SPINT1: variants seen among roughly 807,000 people sequenced by gnomAD.
SPINT1 encodes serine peptidase inhibitor, Kunitz type 1, also known as kunitz-type protease inhibitor 1.
A neutral mutation model predicts 53.7 loss-of-function variants in SPINT1; 38 were observed. The observed-to-expected ratio is 0.71, with a 90% CI of 0.55 to 0.93. The LOEUF is 0.93. SPINT1 is among the 40% of genes least tolerant of loss of function. The pLI is 0.00. For missense variants in SPINT1, 645 were observed against 692.9 expected (o/e 0.93, Z 0.78); for synonymous variants, 283 against 280.6 (o/e 1.01, Z -0.08).
intron 10 of SPINT1, 98 bp downstream of exon 10, chr15:40,856,421 A>G (rs1223413828): frequency 9.4e-6 from 14 of 1,486,054 alleles, no homozygotes; most frequent in Non-Finnish European, 1.2e-5. Flanking sequence ...GTTGAGAAGG[A>G]TGCCAAGGTG....
chr15:40,856,149 C>T (rs927402528), intron 9 of SPINT1, 87 bp downstream of exon 9: 3 of 1,590,354 alleles, frequency 1.9e-6, no homozygotes, highest in African/African-American at 2.7e-5. Context: ...TGGGAGTCAC[C>T]CCTCCATCCT....
Position 40,853,193 on chromosome 15 carries a change from A to T in SPINT1, c.545A>T (p.Lys182Met). ...CAACCCCAGGAACCCCTGGTGCTGA[A>T]GGATGTGGAAAACACAGATTGGCGC... ...KVQPQEPLVL[K>M]DVENTDWRLL... The change falls in exon 3 of 11, where the codon AAG (lysine) becomes ATG (methionine). Residue 182 changes from lysine to methionine, a missense_variant. Coordinates refer to ENST00000562057, the MANE Select transcript of SPINT1 (RefSeq NM_003710.4). The T allele has an allele frequency of 4.3e-6, 7 of 1,614,210 alleles. No homozygotes were observed. Among genetic ancestry groups the T allele is most frequent in the Non-Finnish European group, 5.9e-6 (7 of 1,180,010 alleles).
rs1003781706 is a variant in SPINT1, at chr15:40,853,119, G to A, written c.476-5G>A. The A allele has an allele frequency of 2.2e-5, 36 of 1,613,028 alleles. No individual in the cohort carries two copies. Among genetic ancestry groups the A allele is most frequent in the Non-Finnish European group, 2.9e-5 (34 of 1,179,538 alleles). ...TGACCTTATCTCACTTTCTCTCCCC[G>A]CCAGGGTCTGGGATCCCCAAGGCCT... On this transcript the variant is annotated splice_polypyrimidine_tract_variant and splice_region_variant and intron_variant, in intron 2 of 10. Transcript: ENST00000562057.
chr15:40,844,819 C>A lies in SPINT1; in HGVS notation c.265C>A (p.Arg89Ser). 2 of 1,613,546 alleles carry A rather than the reference C, an allele frequency of 1.2e-6. No homozygotes were observed. The highest frequency in any genetic ancestry group is 1.7e-6 in the Non-Finnish European group (2 of 1,179,862). The part of the protein sequence containing the change: ...PTVRRGWDCV[R>S]ACCTTQNCNL... ...CGTGCGCCGGGGCTGGGACTGCGTG[C>A]GCGCCTGCTGCACCACCCAGAACTG... Residue 89 changes from arginine to serine, a missense_variant, in exon 2 of 11, where the codon CGC (arginine) becomes AGC (serine). By Grantham distance (110) the Arg-to-Ser change is moderately radical. Coordinates refer to ENST00000562057, the MANE Select transcript of SPINT1 (RefSeq NM_003710.4). The surrounding 1 kb of genome is among the most constrained non-coding windows in gnomAD (Gnocchi z 5.8).
chr15:40,844,291 C>T lies in SPINT1; in HGVS notation c.-66+105C>T. On this transcript the variant is annotated intron_variant, in intron 1 of 10. Transcript: ENST00000562057. The surrounding 1 kb of genome is among the most constrained non-coding windows in gnomAD (Gnocchi z 5.8). The stretch of plus-strand genomic sequence containing the variant: ...TGCGTGTGTCCGGGTACTTGAGCTC[C>T]CTAGCGGTCCGCCTGTCCGTCTGTC... The T allele has an allele frequency of 1.7e-6, 1 of 571,836 alleles. No homozygotes were observed. The allele number at this position is 571,836 out of a possible 1,614,324, so 35.4% of individuals were successfully genotyped here.
chr15:40,844,114 CGCGACCCGAGCCGCGCAGGAAGCT>C lies in SPINT1; in HGVS notation c.-136_-113del, dbSNP rs1282553850. 3 of 434,196 alleles carry C rather than the reference CGCGACCCGAGCCGCGCAGGAAGCT, an allele frequency of 6.9e-6. No homozygotes were observed. The highest frequency in any genetic ancestry group is 4.5e-6 in the Non-Finnish European group (1 of 219,812). The allele number at this position is 434,196 out of a possible 1,614,324, so 26.9% of individuals were successfully genotyped here. ...GCTCTCCGAGCACCGGGTCGGAAGC[CGCGACCCGAGCCGCGCAGGAAGCT>C]GGGACCGGAACCTCGGCGGACCCGG... On this transcript the variant is annotated 5_prime_UTR_variant, in exon 1 of 11. Transcript: ENST00000562057. The surrounding 1 kb of genome is among the most constrained non-coding windows in gnomAD (Gnocchi z 5.8).
chr15:40,851,408 C>A (rs981031586), intron 2 of SPINT1, among the ~76,000 whole-genome samples: 5 of 152,166 alleles, frequency 3.3e-5, no homozygotes, highest in African/African-American at 1.2e-4. Context: ...GCCTTGGCCG[C>A]CCAAAGTGCT....
At chr15:40,854,158 G>A (rs1443706101) in intron 6 of SPINT1, 72 bp downstream of exon 6, 5 of 1,483,600 alleles carry the variant, frequency 3.4e-6, no homozygotes, top group Non-Finnish European at 4.5e-6. Flanking sequence ...ATGCCCCTAA[G>A]CAGCCTGCCT....
chr15:40,853,044 TCAC>T lies in SPINT1; in HGVS notation c.476-75_476-73del, dbSNP rs1437368544. On this transcript the variant is annotated intron_variant, in intron 2 of 10. Coordinates refer to ENST00000562057, the MANE Select transcript of SPINT1 (RefSeq NM_003710.4). ...TTTGGTCTAGGTGGGGCCCATACTT[TCAC>T]CACCCCACTTTGCTCCTGAGAGAAG... The T allele has an allele frequency of 6.5e-6, 10 of 1,546,784 alleles. No homozygotes were observed. In the African/African-American group the frequency reaches 9.6e-5, roughly 15 times the overall value.
rs199742351 is a variant in SPINT1, at chr15:40,853,963, T to G, written c.913+82T>G. ...TCTCTCTCTTCTGTGGCCAGGGAGG[T>G]GGGTGGTGGGAGCTCTCCCTTGCCC... On this transcript the variant is annotated intron_variant, in intron 5 of 10. Coordinates refer to ENST00000562057, the MANE Select transcript of SPINT1 (RefSeq NM_003710.4). 1,276 of 1,610,898 alleles carry G rather than the reference T, an allele frequency of 7.9e-4. 8 individuals are homozygous for G. The African/African-American group carries it at 0.016, about 20-fold the overall frequency.
chr15:40,848,251 G>C (rs1366095702), intron 2 of SPINT1, among the ~76,000 whole-genome samples: 1 of 152,012 alleles, frequency 6.6e-6, no homozygotes, highest in Non-Finnish European at 1.5e-5. Context: ...CCTGAGACTC[G>C]GCCTCCTACC....
chr15:40,852,995 C>G, intron 2 of SPINT1, 129 bp from the exon 3 acceptor site: 1 of 1,206,512 alleles, frequency 8.3e-7, no homozygotes, highest in Non-Finnish European at 1.2e-6. Flanking sequence ...CCACCCGCAC[C>G]CCATGCAGGC....
chr15:40,851,957 G>T (rs967566475), intron 2 of SPINT1, among the ~76,000 whole-genome samples: 2 of 152,320 alleles, frequency 1.3e-5, no homozygotes, highest in South Asian at 4.1e-4. Context: ...GGAGGCGGAG[G>T]TTGCAGTGAG....
chr15:40,856,700 A>G (rs1219922849), intron 10 of SPINT1, 70 bp from the exon 11 acceptor site: 2 of 1,600,860 alleles, frequency 1.2e-6, no homozygotes, highest in Non-Finnish European at 1.7e-6. Flanking sequence ...GGTCTCTTCC[A>G]TAGATTGGGG....
At chr15:40,852,469 C>G (rs1891486169) in intron 2 of SPINT1, among the ~76,000 whole-genome samples, 1 of 152,160 alleles carries the variant, frequency 6.6e-6, no homozygotes, top group African/African-American at 2.4e-5. Flanking sequence ...TGTCACCCAC[C>G]CCCATGCCTG....
intron 2 of SPINT1, among the ~76,000 whole-genome samples, chr15:40,850,694 C>T (rs891029897): frequency 2.0e-5 from 3 of 152,164 alleles, no homozygotes; most frequent in Admixed American, 6.5e-5. Context: ...ATCAGCCCAG[C>T]GTTGTTTCTC....
intron 2 of SPINT1, among the ~76,000 whole-genome samples, chr15:40,852,465 C>T (rs1041662077): frequency 1.3e-5 from 2 of 152,120 alleles, no homozygotes; most frequent in African/African-American, 4.8e-5. Context: ...TGCTTGTCAC[C>T]CACCCCCATG....
intron 8 of SPINT1, 119 bp from the exon 9 acceptor site, chr15:40,855,773 C>A: frequency 8.7e-7 from 1 of 1,143,576 alleles, no homozygotes; most frequent in Non-Finnish European, 1.2e-6. Flanking sequence ...TGGGGCCTCT[C>A]AGGCCCTCCC....
At chr15:40,856,228 T>C (rs377394193) in intron 9 of SPINT1, 48 bp from the exon 10 acceptor site, 35 of 1,611,818 alleles carry the variant, frequency 2.2e-5, no homozygotes, top group Non-Finnish European at 2.9e-5. Context: ...AGCAGCTGAG[T>C]CTCTGAGCCC....
Sources: gnomAD v4.1 joint callset for allele counts (sites outside exome capture counted in the v4.1 genomes callset) on GRCh38, gnomAD v4.1.1 for gene constraint, Gnocchi (gnomAD v3.1) non-coding constraint, MANE v1.5 for transcripts, NCBI Gene and HGNC (gene_info 2026-07-23, HGNC 2026-07-21) for gene names.